Variants in UBN1 observed in about 807,000 individuals in gnomAD.
The protein encoded by UBN1 is ubinuclein-1.
A neutral mutation model predicts 108.5 loss-of-function variants in UBN1; 17 were observed. The observed-to-expected ratio is 0.16, with a 90% CI of 0.11 to 0.24. The LOEUF is 0.24. Ranked by LOEUF, UBN1 falls within the 10% of genes least tolerant of loss-of-function variation. The pLI is 1.00. For missense variants in UBN1, 1,595 were observed against 1,394.4 expected (o/e 1.14, Z -2.29); for synonymous variants, 726 against 564.2 (o/e 1.29, Z -4.07).
chr16:4,875,536 G>A lies in UBN1; in HGVS notation c.3024+102G>A, dbSNP rs1052174613. 4.1e-6 allele frequency: 6 copies of A among 1,476,360 alleles called. No homozygotes were observed. In the Admixed American group the frequency reaches 6.5e-5, roughly 16 times the overall value. The allele number at this position is 1,476,360 out of a possible 1,614,324, so 91.5% of individuals were successfully genotyped here. ...GTGGAGAGTGAGATCTAAAACCACA[G>A]GTCAGGTAGGAACAGTGGGCTCAGA... is the stretch of plus-strand genomic sequence containing the variant. On this transcript the variant is annotated intron_variant, in intron 15 of 17. Coordinates refer to ENST00000262376, the MANE Select transcript of UBN1 (RefSeq NM_001079514.3).
rs747653658 is a variant in UBN1 at position 4,873,052 on chromosome 16, C to G, written c.1779C>G (p.Ala593=). 8.1e-6 allele frequency: 13 copies of G among 1,614,016 alleles called. No homozygotes were observed. Among genetic ancestry groups the G allele is most frequent in the East Asian group, 4.5e-5 (2 of 44,894 alleles). ...ACAGGGCCAAGAAGAAAGTTATGGC[C>G]CCTTCTAAAATCAAGGTGAAGGTGA... ...TSILAKKKVM[A]PSKIKVKESS... is the part of the protein sequence containing the mutation. Residue 593 remains alanine (A), a synonymous_variant, in exon 14 of 18, where the codon GCC becomes GCG. Transcript: ENST00000262376.
intron 2 of UBN1, among the ~76,000 whole-genome samples, chr16:4,855,181 G>A (rs2086745511): frequency 6.6e-6 from 1 of 152,168 alleles, no homozygotes; most frequent in Admixed American, 6.6e-5. Context: ...TCTGAGTGTG[G>A]AACGAGAATG....
chr16:4,862,951 C>T (rs1040284828), intron 7 of UBN1, among the ~76,000 whole-genome samples: 1 of 152,164 alleles, frequency 6.6e-6, no homozygotes, highest in African/African-American at 2.4e-5. Context: ...AGCTGGTGAC[C>T]AGGAGAGGCT....
chr16:4,870,028 G>A lies in UBN1; in HGVS notation c.1182-184G>A, dbSNP rs372792200. On this transcript the variant is annotated intron_variant, in intron 8 of 17. Coordinates refer to ENST00000262376, the MANE Select transcript of UBN1 (RefSeq NM_001079514.3). ...TACCTAGCCATGTTCATCAGGCTTG[G>A]GAGTTGTTGTTGTTTGTTGATTGCT... Among the ~76,000 whole-genome samples, 68 of 152,308 alleles carry A rather than the reference G, an allele frequency of 4.5e-4. 1 individual carries two copies. The highest frequency in any genetic ancestry group is 8.4e-4 in the Non-Finnish European group (57 of 68,026).
chr16:4,852,008 T>A (rs2086582988), intron 1 of UBN1, among the ~76,000 whole-genome samples: 1 of 152,224 alleles, frequency 6.6e-6, no homozygotes, highest in African/African-American at 2.4e-5. Flanking sequence ...CACAATTTAT[T>A]CAACCATTCC....
At chr16:4,862,448 G>A (rs552111357) in intron 7 of UBN1, among the ~76,000 whole-genome samples, 13 of 152,286 alleles carry the variant, frequency 8.5e-5, no homozygotes, top group Admixed American at 6.5e-4. Flanking sequence ...GTATCTCTTA[G>A]TATGACATTG....
At chr16:4,868,394 C>G (rs902686694) in intron 7 of UBN1, among the ~76,000 whole-genome samples, 5 of 152,130 alleles carry the variant, frequency 3.3e-5, no homozygotes, top group African/African-American at 9.7e-5. Context: ...AGTGTTAGAG[C>G]TACACATTAT....
chr16:4,858,809 C>T, intron 4 of UBN1, 146 bp downstream of exon 4: 1 of 957,684 alleles, frequency 1.0e-6, no homozygotes, highest in South Asian at 1.6e-5. Flanking sequence ...GACGAAATGA[C>T]ATTCTTTATC....
chr16:4,849,024 C>A (rs969355527), intron 1 of UBN1, among the ~76,000 whole-genome samples: 1 of 152,134 alleles, frequency 6.6e-6, no homozygotes, highest in African/African-American at 2.4e-5. Flanking sequence ...TCGCTTAACC[C>A]GGGAAGCGGA....
At chr16:4,870,743 G>T in intron 10 of UBN1, 101 bp from the exon 11 acceptor site, 2 of 1,588,742 alleles carry the variant, frequency 1.3e-6, no homozygotes, top group Non-Finnish European at 1.7e-6. Flanking sequence ...CTCTTCTTTG[G>T]CCTTTTCTCC....
At chr16:4,849,680 C>G (rs1339509630) in intron 1 of UBN1, among the ~76,000 whole-genome samples, 1 of 151,424 alleles carries the variant, frequency 6.6e-6, no homozygotes, top group African/African-American at 2.4e-5. Flanking sequence ...CAGCCTGGAC[C>G]TTCCCAGTCT....
Position 4,877,376 on chromosome 16 carries a change from T to G in UBN1, c.3266-9T>G. 6.2e-7 allele frequency: 1 copy of G among 1,607,456 alleles called. No homozygotes were observed. Among genetic ancestry groups the G allele is most frequent in the South Asian group, 1.1e-5 (1 of 90,562 alleles). ...TTTTGTTCTTTTCTCCCCTCCTGTT[T>G]TCTCTCAGGTCTTCTGGCTGGCTTG... is the stretch of plus-strand genomic sequence containing the variant. On this transcript the variant is annotated splice_polypyrimidine_tract_variant and intron_variant, in intron 16 of 17. Transcript: ENST00000262376. The surrounding 1 kb of genome is among the most constrained non-coding windows in gnomAD (Gnocchi z 4.3).
intron 7 of UBN1, among the ~76,000 whole-genome samples, chr16:4,863,950 C>G (rs747502620): frequency 6.6e-6 from 1 of 152,084 alleles, no homozygotes; most frequent in Non-Finnish European, 1.5e-5. Flanking sequence ...TTCCAGCACA[C>G]TTTTGGTCAG....
chr16:4,866,521 A>T (rs551068024), intron 7 of UBN1, among the ~76,000 whole-genome samples: 1 of 152,104 alleles, frequency 6.6e-6, no homozygotes, highest in Non-Finnish European at 1.5e-5. Context: ...TTATTTTATT[A>T]TTATTTTTTA....
rs878915015 is a variant in UBN1, at chr16:4,870,785, G to C, written c.1431-59G>C. The stretch of plus-strand genomic sequence containing the variant: ...GTGAAGTCCCAGTAGTGCAGAGTGA[G>C]GGGAGAGGCGGTGGGCAGGAGCACC... On this transcript the variant is annotated intron_variant, in intron 10 of 17. Transcript: ENST00000262376. The C allele has an allele frequency of 2.9e-5, 46 of 1,607,428 alleles. No individual in the cohort carries two copies. In the South Asian group the frequency reaches 4.5e-4, roughly 16 times the overall value.
chr16:4,876,928 A>G lies in UBN1; in HGVS notation c.3082A>G (p.Lys1028Glu). 1 of 1,614,106 alleles carries G rather than the reference A, an allele frequency of 6.2e-7. No individual in the cohort carries two copies. Among genetic ancestry groups the G allele is most frequent in the Non-Finnish European group, 8.5e-7 (1 of 1,179,992 alleles). ...AGSSLMASPYKSSSPKLSGAM... is the reference protein window; with the variant it reads ...AGSSLMASPYESSSPKLSGAM... Reference sequence around the variant, plus strand: ...CTCCTCTTTGATGGCTTCACCCTACAAATCCAGCAGCCCAAAGCTGTCTGG... The same window carrying G: ...CTCCTCTTTGATGGCTTCACCCTACGAATCCAGCAGCCCAAAGCTGTCTGG... The change falls in exon 16 of 18, where the codon AAA becomes GAA. Residue 1028 changes from lysine to glutamate, a missense_variant. By Grantham distance (56) the Lys-to-Glu change is moderately conservative. Around this residue, in one of 3 missense-constraint regions of UBN1, gnomAD observed 1,398 missense variants for 1,194.7 expected, o/e 1.17. Coordinates refer to ENST00000262376, the MANE Select transcript of UBN1 (RefSeq NM_001079514.3).
chr16:4,875,517 AGT>A (rs1485964607), intron 15 of UBN1, 83 bp downstream of exon 15: 13 of 1,519,940 alleles, frequency 8.6e-6, no homozygotes, highest in Non-Finnish European at 1.1e-5. Flanking sequence ...CCGGGTGGAG[AGT>A]GAGATCTAAA....
intron 2 of UBN1, among the ~76,000 whole-genome samples, chr16:4,853,412 A>G (rs1339566669): frequency 6.6e-6 from 1 of 152,200 alleles, no homozygotes; most frequent in Non-Finnish European, 1.5e-5. Flanking sequence ...TGCCAAGGTT[A>G]TAAACGTTAT....
chr16:4,861,165 T>C, intron 7 of UBN1, 63 bp downstream of exon 7: 1 of 1,509,820 alleles, frequency 6.6e-7, no homozygotes, highest in Non-Finnish European at 8.9e-7. Flanking sequence ...CTGTTGGTTC[T>C]GCACTGCGTG....
Sources: gnomAD v4.1 joint callset for allele counts (sites outside exome capture counted in the v4.1 genomes callset) on GRCh38, gnomAD v4.1.1 for gene constraint, gnomAD v4.1.1 regional missense constraint, Gnocchi (gnomAD v3.1) non-coding constraint, MANE v1.5 for transcripts, NCBI Gene and HGNC (gene_info 2026-07-23, HGNC 2026-07-21) for gene names.